The following ACYP2 variants were observed in gnomAD, a reference collection of about 807,000 sequenced individuals.
ACYP2 encodes acylphosphatase-2.
ACYP2 carries 12 observed loss-of-function variants against 11.2 expected under a neutral mutation model. The ratio of observed to expected loss-of-function variants is 1.08; its 90% CI spans 0.69 to 1.74. The LOEUF is 1.74. Ranked by LOEUF, ACYP2 falls within the 40% of genes most tolerant of loss-of-function variation. The pLI is 0.00. For missense variants in ACYP2, 134 were observed against 101.9 expected (o/e 1.31, Z -1.35); for synonymous variants, 43 against 32.2 (o/e 1.33, Z -1.13).
chr2:54,039,263 T>TC (rs1221690655), intron 2 of ACYP2, among the ~76,000 whole-genome samples: 3 of 151,464 alleles, frequency 2.0e-5, no homozygotes, highest in Non-Finnish European at 4.4e-5. Context: ...CTTTAATTTT[T>TC]TTTTTCTTTT....
intron 6 of ACYP2, among the ~76,000 whole-genome samples, chr2:54,144,411 C>T (rs890722725): frequency 2.6e-5 from 4 of 152,122 alleles, no homozygotes; most frequent in Non-Finnish European, 4.4e-5. Context: ...TGCGGTGGCT[C>T]ACGCCTGTAA....
chr2:54,098,530 G>C (rs545677827), intron 4 of ACYP2, among the ~76,000 whole-genome samples: 1 of 152,132 alleles, frequency 6.6e-6, no homozygotes, highest in East Asian at 1.9e-4. Context: ...TTGTTCTCCC[G>C]AGGCAACTTC....
At chr2:54,270,404 T>G (rs1688234394) in intron 6 of ACYP2, among the ~76,000 whole-genome samples, 1 of 152,220 alleles carries the variant, frequency 6.6e-6, no homozygotes, top group Middle Eastern at 3.4e-3. Flanking sequence ...TAATTTAAAT[T>G]ACTTTTTGTT....
intron 4 of ACYP2, among the ~76,000 whole-genome samples, chr2:54,104,506 A>G (rs1312444909): frequency 6.6e-6 from 1 of 152,232 alleles, no homozygotes; most frequent in African/African-American, 2.4e-5. Flanking sequence ...TTTGTTAAGT[A>G]GACATTTTTG....
chr2:54,168,122 G>A (rs1872328), intron 6 of ACYP2, among the ~76,000 whole-genome samples: 10,656 of 152,040 alleles, frequency 0.07, 643 homozygotes, highest in African/African-American at 0.16. Flanking sequence ...CAAAACCACT[G>A]TGTCAAATCT....
At chr2:53,973,639 T>C in intron 1 of ACYP2, 1 of 203,186 alleles carries the variant, frequency 4.9e-6, no homozygotes, top group Non-Finnish European at 9.8e-6. Context: ...ACATTGCACT[T>C]AACTCCACCA....
At chr2:54,292,622 A>G (rs1029059878) in intron 6 of ACYP2, among the ~76,000 whole-genome samples, 11 of 152,032 alleles carry the variant, frequency 7.2e-5, no homozygotes, top group Non-Finnish European at 1.6e-4. Context: ...TTTTGCATCT[A>G]TTAACCAGTT....
intron 6 of ACYP2, among the ~76,000 whole-genome samples, chr2:54,268,174 A>G (rs1688123130): frequency 6.6e-6 from 1 of 152,208 alleles, no homozygotes; most frequent in Non-Finnish European, 1.5e-5. Flanking sequence ...GAACTTTTCA[A>G]CTGAGATTCA....
intron 4 of ACYP2, among the ~76,000 whole-genome samples, chr2:54,105,472 T>A (rs539316424): frequency 2.0e-4 from 31 of 152,224 alleles, no homozygotes; most frequent in Admixed American, 8.5e-4. Flanking sequence ...CTAAATTTTT[T>A]AAATTTATTT....
At chr2:54,174,538 C>G (rs1003905908) in intron 6 of ACYP2, among the ~76,000 whole-genome samples, 4 of 152,160 alleles carry the variant, frequency 2.6e-5, no homozygotes, top group Admixed American at 2.6e-4. Flanking sequence ...CCTGATTGCC[C>G]TGGCCAGAAC....
At chr2:54,147,985 A>G (rs543310645) in intron 6 of ACYP2, among the ~76,000 whole-genome samples, 68 of 152,280 alleles carry the variant, frequency 4.5e-4, no homozygotes, top group African/African-American at 1.4e-3. Context: ...TTGGAGGCAG[A>G]TGGTTACTGG....
intron 4 of ACYP2, among the ~76,000 whole-genome samples, chr2:54,062,682 T>G (rs1179645440): frequency 1.3e-5 from 2 of 152,236 alleles, no homozygotes; most frequent in Non-Finnish European, 2.9e-5. Flanking sequence ...GAAGCCTGAT[T>G]AAGTTAGCTT....
intron 2 of ACYP2, among the ~76,000 whole-genome samples, chr2:53,995,558 T>C (rs1672536211): frequency 6.6e-6 from 1 of 151,250 alleles, no homozygotes; most frequent in South Asian, 2.1e-4. Context: ...GGCTGGAATG[T>C]AGTGGCATGA....
At chr2:54,298,297 A>G (rs190637842) in intron 6 of ACYP2, among the ~76,000 whole-genome samples, 2 of 152,238 alleles carry the variant, frequency 1.3e-5, no homozygotes, top group East Asian at 3.9e-4. Context: ...AAATTAAGAC[A>G]TCTTTTTCAT....
At chr2:53,977,608 G>A (rs920342137) in intron 2 of ACYP2, among the ~76,000 whole-genome samples, 5 of 151,826 alleles carry the variant, frequency 3.3e-5, no homozygotes, top group Non-Finnish European at 7.4e-5. Context: ...GGTGGCATGC[G>A]CCTGTAATCC....
intron 2 of ACYP2, among the ~76,000 whole-genome samples, chr2:54,021,081 G>A (rs1240514942): frequency 1.3e-5 from 2 of 152,198 alleles, no homozygotes; most frequent in African/African-American, 4.8e-5. Context: ...CCCTACTGCT[G>A]TGTTGTTCCT....
chr2:54,299,359 C>T (rs1010709855), intron 6 of ACYP2, among the ~76,000 whole-genome samples: 1 of 151,484 alleles, frequency 6.6e-6, no homozygotes, highest in African/African-American at 2.4e-5. Context: ...TTTGGGAGGC[C>T]GAGGCGGGCA....
intron 6 of ACYP2, among the ~76,000 whole-genome samples, chr2:54,166,037 C>A (rs1034767339): frequency 6.6e-6 from 1 of 152,200 alleles, no homozygotes; most frequent in African/African-American, 2.4e-5. Flanking sequence ...TCAGTTTAAA[C>A]AACCATCCAG....
At position 54,035,027 on chromosome 2, in the gene ACYP2, A is replaced by AAAAAAAAAAAAAAT. The variant is rs1558484930; in HGVS notation, c.63-15926_63-15925insAAAAAAAATAAAAA. ...TACATCTCAAAAAAAAAAAAAAAAAAAAAAAGCCTAGACTCTGGTTAAGAG... is the reference window on the plus strand; with the variant it reads ...TACATCTCAAAAAAAAAAAAAAAAAAAAAAAAAAAAAAATAAAAAGCCTAGACTCTGGTTAAGAG... On this transcript the variant is annotated intron_variant, in intron 2 of 6. Coordinates refer to ENST00000607452, the MANE Select transcript of ACYP2 (RefSeq NM_001320586.2). Among the ~76,000 whole-genome samples the AAAAAAAAAAAAAAT allele has an allele frequency of 8.2e-4, 121 of 147,730 alleles. 2 individuals are homozygous for AAAAAAAAAAAAAAT. Among genetic ancestry groups the AAAAAAAAAAAAAAT allele is most frequent in the African/African-American group, 3.0e-3 (120 of 40,656 alleles).
Sources: gnomAD v4.1 joint callset for allele counts (sites outside exome capture counted in the v4.1 genomes callset) on GRCh38, gnomAD v4.1.1 for gene constraint, MANE v1.5 for transcripts, NCBI Gene and HGNC (gene_info 2026-07-23, HGNC 2026-07-21) for gene names.